Variants in SPATS2L observed in about 807,000 individuals in gnomAD.
SPATS2L encodes SPATS2-like protein.
In SPATS2L, 30 loss-of-function variants were observed where a neutral mutation model predicts 59.6. The observed-to-expected ratio is 0.50, with a 90% CI of 0.38 to 0.68. The LOEUF (loss-of-function observed/expected upper bound fraction) is 0.68. Among genes scored for constraint, SPATS2L ranks in the 30% least tolerant of loss-of-function variants. The probability of loss-of-function intolerance (pLI) is 0.00; values close to 1 mark genes in which losing one functional copy is unlikely to be tolerated. For synonymous variants in SPATS2L, 252 were observed against 263.5 expected, an observed-to-expected ratio of 0.96 and a Z score of 0.42; for missense variants, 615 against 700.0, an observed-to-expected ratio of 0.88 and a Z score of 1.37.
At chr2:200,383,827 A>G in intron 2 of SPATS2L, 23 of 954,786 alleles carry the variant, frequency 2.4e-5, no homozygotes, top group Non-Finnish European at 2.9e-5. Context: ...CATTACTTAA[A>G]ATGTTTTCTT....
chr2:200,402,123 T>G (rs962655942), intron 3 of SPATS2L, among the ~76,000 whole-genome samples: 1 of 152,204 alleles, frequency 6.6e-6, no homozygotes, highest in Non-Finnish European at 1.5e-5. Flanking sequence ...CTGCCCCATC[T>G]TGGTCCATTT....
chr2:200,367,691 A>G (rs902550518), intron 2 of SPATS2L, among the ~76,000 whole-genome samples: 5 of 108,842 alleles, frequency 4.6e-5, no homozygotes, highest in African/African-American at 1.4e-4. Flanking sequence ...ATATCCCAGT[A>G]TTGAAAGTGA....
At chr2:200,427,679 G>A (rs1440387173) in intron 6 of SPATS2L, among the ~76,000 whole-genome samples, 1 of 152,028 alleles carries the variant, frequency 6.6e-6, no homozygotes, top group African/African-American at 2.4e-5. Flanking sequence ...AAATAATAAA[G>A]TATATCTGTA....
At chr2:200,359,226 C>T (rs1319043300) in intron 2 of SPATS2L, among the ~76,000 whole-genome samples, 4 of 152,074 alleles carry the variant, frequency 2.6e-5, no homozygotes, top group South Asian at 4.1e-4. Flanking sequence ...GAGGCTTGAT[C>T]ATATTCTTTC....
intron 2 of SPATS2L, among the ~76,000 whole-genome samples, chr2:200,371,424 C>T (rs1211014108): frequency 6.6e-6 from 1 of 152,150 alleles, no homozygotes; most frequent in Non-Finnish European, 1.5e-5. Context: ...TTGCCTCCGT[C>T]TTAGCTAAGG....
At chr2:200,328,141 C>T (rs915636382) in intron 1 of SPATS2L, among the ~76,000 whole-genome samples, 2 of 152,146 alleles carry the variant, frequency 1.3e-5, no homozygotes, top group Non-Finnish European at 1.5e-5. Context: ...ACTTGGGGCA[C>T]GTGGATCCTG....
chr2:200,382,725 G>A (rs2081862425), intron 2 of SPATS2L, among the ~76,000 whole-genome samples: 1 of 152,098 alleles, frequency 6.6e-6, no homozygotes, highest in Admixed American at 6.6e-5. Context: ...TTCCACGTAT[G>A]TAAAAATGGG....
At position 200,459,910 on chromosome 2, in the gene SPATS2L, T is replaced by C. The variant is rs16833485; in HGVS notation, c.847+83T>C. 7.6e-3 allele frequency: 7,889 copies of C among 1,031,388 alleles called. 413 individuals are homozygous for C. In the African/African-American group the frequency reaches 0.11, roughly 15 times the overall value. 63.9% of individuals were successfully genotyped at this position (1,031,388 alleles called of 1,614,324 possible). A position where few individuals can be genotyped will look rare whatever the true frequency, so the allele number is the denominator to read the frequency against. On this transcript the variant is annotated intron_variant, in intron 9 of 12. Transcript: ENST00000409140. ...AGGTCAGACTGACAATGATACCGGC[T>C]TCTGAACAGGGTCCTAAAATTTATA... is the stretch of plus-strand genomic sequence containing the variant.
At chr2:200,323,024 T>C (rs538581099) in intron 1 of SPATS2L, among the ~76,000 whole-genome samples, 1 of 152,230 alleles carries the variant, frequency 6.6e-6, no homozygotes, top group Non-Finnish European at 1.5e-5. Flanking sequence ...ACAGTATCAC[T>C]TATGGACCCA....
intron 8 of SPATS2L, among the ~76,000 whole-genome samples, chr2:200,447,118 G>T (rs979645259): frequency 9.2e-5 from 14 of 152,106 alleles, no homozygotes; most frequent in African/African-American, 3.4e-4. Flanking sequence ...TTCTCATTTT[G>T]CAATAAAACC....
intron 3 of SPATS2L, among the ~76,000 whole-genome samples, chr2:200,410,784 C>T (rs1298467240): frequency 1.3e-5 from 2 of 152,094 alleles, no homozygotes; most frequent in Admixed American, 1.3e-4. Context: ...ATCATTTGGT[C>T]AATGTGTAAA....
chr2:200,329,106 C>G (rs1391860929), intron 1 of SPATS2L, among the ~76,000 whole-genome samples: 1 of 152,156 alleles, frequency 6.6e-6, no homozygotes, highest in Non-Finnish European at 1.5e-5. Context: ...CCTAAGCAGG[C>G]AATAAATGTT....
chr2:200,476,856 T>C (rs912986658), intron 12 of SPATS2L, among the ~76,000 whole-genome samples: 4 of 152,236 alleles, frequency 2.6e-5, no homozygotes, highest in African/African-American at 4.8e-5. Context: ...TATGAACAAA[T>C]TGAAGGATAG....
intron 2 of SPATS2L, among the ~76,000 whole-genome samples, chr2:200,368,213 G>A (rs2081322607): frequency 6.6e-6 from 1 of 152,152 alleles, no homozygotes; most frequent in Non-Finnish European, 1.5e-5. Context: ...GAAGTTAAAA[G>A]GAAGAAGAAA....
At chr2:200,424,832 T>C (rs1364652153) in intron 6 of SPATS2L, among the ~76,000 whole-genome samples, 3 of 152,168 alleles carry the variant, frequency 2.0e-5, no homozygotes, top group African/African-American at 7.2e-5. Flanking sequence ...CTCCTGTTGC[T>C]GACCCAGCAG....
intron 2 of SPATS2L, among the ~76,000 whole-genome samples, chr2:200,329,716 C>T (rs1233432209): frequency 6.6e-6 from 1 of 152,014 alleles, no homozygotes; most frequent in East Asian, 1.9e-4. Flanking sequence ...CCCCCTTCCC[C>T]ACCTGCCTTG....
Position 200,447,532 on chromosome 2 carries a change from G to A in SPATS2L, c.788+6748G>A, listed in dbSNP as rs117740799. Among the ~76,000 whole-genome samples, 3 of 152,320 alleles carry A rather than the reference G, an allele frequency of 2.0e-5. No homozygotes were observed. In the East Asian group the frequency reaches 5.8e-4, roughly 29 times the overall value. On this transcript the variant is annotated intron_variant, in intron 8 of 12. Transcript: ENST00000409140. Reference sequence around the variant, plus strand: ...CGAAACAGGTCCTAGAATCAGATCTGTGTCACAGAATAGATGCTGTGACAA... The same window carrying A: ...CGAAACAGGTCCTAGAATCAGATCTATGTCACAGAATAGATGCTGTGACAA...
At position 200,429,344 on chromosome 2, in the gene SPATS2L, A is replaced by G. The variant is rs553969180; in HGVS notation, c.446-9778A>G. 1.4e-4 allele frequency among the ~76,000 whole-genome samples: 21 copies of G among 152,372 alleles called. No homozygotes were observed. In the South Asian group the frequency reaches 3.5e-3, roughly 26 times the overall value. Reference sequence around the variant, plus strand: ...CACATTTAGCATGAGAGCAGTTACTATATCTGTACTGAAGAAAATGAGACA... The same window carrying G: ...CACATTTAGCATGAGAGCAGTTACTGTATCTGTACTGAAGAAAATGAGACA... On this transcript the variant is annotated intron_variant, in intron 6 of 12. Transcript: ENST00000409140.
At chr2:200,417,749 G>GGAAAAAAGCAGGGAGGAGAATTGAGAA in intron 5 of SPATS2L, among the ~76,000 whole-genome samples, 1 of 152,034 alleles carries the variant, frequency 6.6e-6, no homozygotes, top group Non-Finnish European at 1.5e-5. Flanking sequence ...TGGTTCCAAA[G>GGAAAAAAGCAGGGAGGAGAATTGAGAA]GAAAAAAGCA....
Sources: allele counts gnomAD v4.1 joint callset (sites outside exome capture counted in the v4.1 genomes callset), GRCh38; gene constraint gnomAD v4.1.1; transcripts MANE v1.5; gene names NCBI Gene and HGNC (gene_info 2026-07-23, HGNC 2026-07-21).